GANAB: variants seen among roughly 807,000 people sequenced by gnomAD.
GANAB encodes the protein glucosidase II alpha subunit, also known as neutral alpha-glucosidase AB.
A neutral mutation model predicts 129.9 loss-of-function variants in GANAB; 35 were observed. That is an observed-to-expected ratio of 0.27 (90% CI 0.21 to 0.36). The LOEUF (loss-of-function observed/expected upper bound fraction) is 0.36, where lower values mean the gene tolerates loss of function less well. Ranked by LOEUF, GANAB falls within the 10% of genes least tolerant of loss-of-function variation. The pLI is 1.00. For synonymous variants in GANAB, 482 were observed against 451.8 expected (o/e 1.07, Z -0.85); for missense variants, 939 against 1,221.0 (o/e 0.77, Z 3.44).
chr11:62,643,713 G>C (rs951071770), intron 1 of GANAB, among the ~76,000 whole-genome samples: 2 of 152,206 alleles, frequency 1.3e-5, no homozygotes, highest in African/African-American at 4.8e-5. Context: ...CTACTGGGGA[G>C]GCTGAGGAAC....
In GANAB at chr11:62,634,502, AT is replaced by A. The variant is rs1447381382; in HGVS notation, c.560+318del. 8.8e-6 allele frequency: 6 copies of A among 681,714 alleles called. No homozygotes were observed. The Admixed American group carries it at 1.0e-4, about 12-fold the overall frequency. The allele number at this position is 681,714 out of a possible 1,614,324, so 42.2% of individuals were successfully genotyped here. On this transcript the variant is annotated intron_variant, in intron 5 of 23. Transcript: ENST00000356638. ...TGGGGGGAAAAAGAAACCAAAAAAA[AT>A]AAATAAATAAAAACGAAGAAAATAA... is the stretch of plus-strand genomic sequence containing the variant.
In GANAB at chr11:62,634,942, A is replaced by G; in HGVS notation, c.439T>C (p.Tyr147His). 2.5e-6 allele frequency: 4 copies of G among 1,613,704 alleles called. No individual in the cohort carries two copies. The highest frequency in any genetic ancestry group is 2.5e-6 in the Non-Finnish European group (3 of 1,179,572). The change falls in exon 5 of 24, where the codon TAC becomes CAC. Residue 147 changes from tyrosine to histidine, a missense_variant. By Grantham distance (83) the Tyr-to-His change is moderately conservative. Coordinates refer to ENST00000356638, the MANE Select transcript of GANAB (RefSeq NM_198334.3). ...SVELTMAEGP[Y>H]KIILTARPFR... ...GGCCGTGCTGTCAAGATGATCTTGT[A>G]GGGTCCCTCAGCCATGGTTAACTCC...
chr11:62,636,842 G>A (rs547378538), intron 4 of GANAB, among the ~76,000 whole-genome samples: 15 of 152,186 alleles, frequency 9.9e-5, no homozygotes, highest in East Asian at 3.9e-4. Context: ...AGAAAGAATC[G>A]CTTCAACACA....
chr11:62,645,947 G>A (rs895108818), intron 1 of GANAB, among the ~76,000 whole-genome samples: 3 of 152,146 alleles, frequency 2.0e-5, no homozygotes, highest in African/African-American at 7.2e-5. Flanking sequence ...CGAGAGCGTG[G>A]ACCAAGCCAT....
At chr11:62,626,498 G>C (rs754741355) in intron 21 of GANAB, 51 bp from the exon 22 acceptor site, 2 of 1,508,194 alleles carry the variant, frequency 1.3e-6, no homozygotes, top group Admixed American at 3.3e-5. Context: ...GGGAGTGAGG[G>C]GCACAACCCC....
At position 62,625,349 on chromosome 11, in the gene GANAB, G is replaced by T; in HGVS notation, c.*466C>A. ...GGCATAAAAAGGGGAGTAAAGCCTGGAGGAAGAAATGAAAGGTGGGAGAGC... is the reference window on the plus strand; with the variant it reads ...GGCATAAAAAGGGGAGTAAAGCCTGTAGGAAGAAATGAAAGGTGGGAGAGC... On this transcript the variant is annotated 3_prime_UTR_variant, in exon 24 of 24. Transcript: ENST00000356638. 1 of 451,186 alleles carries T rather than the reference G, an allele frequency of 2.2e-6. No individual in the cohort carries two copies. Among genetic ancestry groups the T allele is most frequent in the Non-Finnish European group, 4.4e-6 (1 of 224,832 alleles). The allele number at this position is 451,186 out of a possible 1,614,324, so 27.9% of individuals were successfully genotyped here. A position where few individuals can be genotyped will look rare whatever the true frequency, so the allele number is the denominator to read the frequency against.
intron 4 of GANAB, among the ~76,000 whole-genome samples, chr11:62,635,258 C>G (rs1264950157): frequency 1.3e-5 from 2 of 151,794 alleles, no homozygotes; most frequent in African/African-American, 4.8e-5. Context: ...AATCTCGGCT[C>G]ACCGCAACCT....
intron 4 of GANAB, among the ~76,000 whole-genome samples, chr11:62,638,211 T>C (rs1818335013): frequency 6.6e-6 from 1 of 152,120 alleles, no homozygotes; most frequent in Non-Finnish European, 1.5e-5. Flanking sequence ...TGTAGTGCAG[T>C]GACACAATCT....
intron 5 of GANAB, chr11:62,634,347 C>A: frequency 6.2e-7 from 1 of 1,611,804 alleles, no homozygotes; most frequent in Non-Finnish European, 8.5e-7. Context: ...CATATGCTAC[C>A]AAGCGTGAGA....
intron 1 of GANAB, among the ~76,000 whole-genome samples, chr11:62,640,432 C>A (rs939673666): frequency 2.0e-5 from 3 of 147,148 alleles, no homozygotes; most frequent in Non-Finnish European, 4.5e-5. Flanking sequence ...ACTTGGGAGG[C>A]TGGAGCTGGA....
At chr11:62,635,586 G>GA (rs59735954) in intron 4 of GANAB, among the ~76,000 whole-genome samples, 1 of 151,018 alleles carries the variant, frequency 6.6e-6, no homozygotes. Flanking sequence ...TTCCATATAG[G>GA]AAAAAAAATG....
chr11:62,642,887 A>C (rs1019715214), intron 1 of GANAB, among the ~76,000 whole-genome samples: 1 of 152,200 alleles, frequency 6.6e-6, no homozygotes, highest in African/African-American at 2.4e-5. Flanking sequence ...TTAAAGCATA[A>C]AAGGTTGAAT....
At chr11:62,633,343 C>G in intron 6 of GANAB, 72 bp from the exon 7 acceptor site, 2 of 1,542,122 alleles carry the variant, frequency 1.3e-6, no homozygotes, top group Non-Finnish European at 1.8e-6. Flanking sequence ...TCAACTAAAT[C>G]CCATCCCTGA....
rs1482421306 is a variant in GANAB, at chr11:62,629,861, C to T, written c.1690G>A (p.Gly564Arg). The change falls in exon 14 of 24, where the codon GGG becomes AGG. Residue 564 changes from glycine (G) to arginine (R), a missense_variant. By Grantham distance (125) the Gly-to-Arg change is moderately radical (BLOSUM62 -2). Coordinates refer to ENST00000356638, the MANE Select transcript of GANAB (RefSeq NM_198334.3). ...VTMLKDAQHY[G>R]GWEHRDVHNI... ...TGCACATCCCGGTGCTCCCAGCCCC[C>T]ATAATGCTGGGCATCCTTGAGCATG... 7 of 1,613,898 alleles carry T rather than the reference C, an allele frequency of 4.3e-6. No individual in the cohort carries two copies. Among genetic ancestry groups the T allele is most frequent in the Non-Finnish European group, 5.1e-6 (6 of 1,179,770 alleles).
chr11:62,635,004 G>C lies in GANAB; in HGVS notation c.381-4C>G. 6.2e-7 allele frequency: 1 copy of C among 1,604,792 alleles called. No individual in the cohort carries two copies. Among genetic ancestry groups the C allele is most frequent in the Admixed American group, 1.7e-5 (1 of 59,640 alleles). On this transcript the variant is annotated splice_region_variant and splice_polypyrimidine_tract_variant and intron_variant, in intron 4 of 23. Transcript: ENST00000356638. Reference sequence around the variant, plus strand: ...ATCACGACCAGAGACAGAAAGCCTGGGAAACATATCAAAAGAAATATAAGG... The same window carrying C: ...ATCACGACCAGAGACAGAAAGCCTGCGAAACATATCAAAAGAAATATAAGG...
intron 1 of GANAB, among the ~76,000 whole-genome samples, chr11:62,645,238 G>T (rs112132187): frequency 1.3e-5 from 2 of 152,240 alleles, no homozygotes; most frequent in African/African-American, 4.8e-5. Flanking sequence ...GCAGTAAATA[G>T]AAGTACAGTG....
chr11:62,634,475 G>A, intron 5 of GANAB: 1 of 777,990 alleles, frequency 1.3e-6, no homozygotes. Flanking sequence ...AACTTCCAGA[G>A]ATGGGGGGAA....
chr11:62,633,305 A>G (rs1402670971), intron 6 of GANAB, 34 bp from the exon 7 acceptor site: 14 of 1,572,386 alleles, frequency 8.9e-6, no homozygotes, highest in Non-Finnish European at 1.1e-5. Context: ...CTCTCCAATC[A>G]TACCAGTTCT....
intron 4 of GANAB, among the ~76,000 whole-genome samples, chr11:62,636,008 C>T (rs898562987): frequency 6.6e-6 from 1 of 151,410 alleles, no homozygotes; most frequent in Non-Finnish European, 1.5e-5. Flanking sequence ...ATTTTTTTTT[C>T]TTAAGATAGT....
Sources: allele counts gnomAD v4.1 joint callset (sites outside exome capture counted in the v4.1 genomes callset), GRCh38; gene constraint gnomAD v4.1.1; transcripts MANE v1.5; gene names NCBI Gene and HGNC (gene_info 2026-07-23, HGNC 2026-07-21).